DENND2B: variants seen among roughly 807,000 people sequenced by gnomAD.
The protein encoded by DENND2B is DENN domain containing 2B.
Under a neutral mutation model 116.0 loss-of-function variants are expected in DENND2B, and 32 were observed. That is an observed-to-expected ratio of 0.28 (90% CI 0.21 to 0.37). The LOEUF (loss-of-function observed/expected upper bound fraction) is 0.37. Among genes scored for constraint, DENND2B ranks in the 10% least tolerant of loss-of-function variants. DENND2B has a pLI of 1.00. For missense variants in DENND2B, 1,276 were observed against 1,477.7 expected (o/e 0.86, Z 2.24); for synonymous variants, 588 against 583.9 (o/e 1.01, Z -0.10).
chr11:8,725,985 G>C (rs1306805647), intron 4 of DENND2B, 88 bp downstream of exon 4: 5 of 1,585,626 alleles, frequency 3.2e-6, no homozygotes, highest in Non-Finnish European at 4.3e-6. Context: ...TGCCCACAGT[G>C]AAGGAGGTCA....
upstream of DENND2B, among the ~76,000 whole-genome samples, chr11:8,814,842 A>T (rs1404537502): frequency 1.3e-5 from 2 of 152,184 alleles, no homozygotes; most frequent in Admixed American, 1.3e-4. Context: ...TTCCTGTCCG[A>T]CAGGAAGAAG....
chr11:8,806,793 G>A (rs2060899899), intron 1 of DENND2B, among the ~76,000 whole-genome samples: 1 of 152,052 alleles, frequency 6.6e-6, no homozygotes, highest in African/African-American at 2.4e-5. Flanking sequence ...CTCCCCTCCA[G>A]GATGAAACAA....
intron 3 of DENND2B, among the ~76,000 whole-genome samples, chr11:8,729,515 T>TG (rs1384233594): frequency 6.6e-6 from 1 of 152,202 alleles, no homozygotes; most frequent in Non-Finnish European, 1.5e-5. Flanking sequence ...AATGATAAAA[T>TG]GCAGTATTCA....
intron 2 of DENND2B, among the ~76,000 whole-genome samples, chr11:8,749,782 T>C (rs1028118649): frequency 1.4e-4 from 22 of 152,152 alleles, no homozygotes; most frequent in African/African-American, 4.6e-4. Flanking sequence ...AAAGCCAAAT[T>C]TGTCCACCTG....
chr11:8,699,474 C>G (rs1310967412), intron 14 of DENND2B, 84 bp from the exon 15 acceptor site: 2 of 1,377,438 alleles, frequency 1.5e-6, no homozygotes, highest in South Asian at 1.4e-5. Context: ...AGCCTTTGAT[C>G]GTAAACCTCC....
chr11:8,714,126 A>C, intron 7 of DENND2B, 84 bp from the exon 8 acceptor site: 1 of 1,367,418 alleles, frequency 7.3e-7, no homozygotes, highest in East Asian at 2.3e-5. Flanking sequence ...CTTTTCTCAC[A>C]GGGGATGGAT....
intron 16 of DENND2B, 68 bp from the exon 17 acceptor site, chr11:8,697,704 G>T: frequency 9.8e-7 from 1 of 1,018,964 alleles, no homozygotes; most frequent in Non-Finnish European, 1.6e-6. Context: ...GCTAAGACCT[G>T]TTAGAAGAGC....
At chr11:8,872,500 A>G (rs1281836818), upstream of DENND2B, among the ~76,000 whole-genome samples, 1 of 151,860 alleles carries the variant, frequency 6.6e-6, no homozygotes, top group African/African-American at 2.4e-5. Flanking sequence ...AAAAAAAAAA[A>G]AAGAAAAAAA....
chr11:8,815,707 C>T (rs1594077838), intron 4 of DENND2B, among the ~76,000 whole-genome samples: 1 of 152,176 alleles, frequency 6.6e-6, no homozygotes, highest in South Asian at 2.1e-4. Context: ...TTTAAAGATG[C>T]CTTTACTATA....
At chr11:8,863,435 A>G (rs973620370) in intron 2 of DENND2B, among the ~76,000 whole-genome samples, 4 of 151,622 alleles carry the variant, frequency 2.6e-5, no homozygotes, top group Non-Finnish European at 5.9e-5. Flanking sequence ...GGGTTTCACC[A>G]TATTAGCCAG....
chr11:8,758,179 A>G (rs2053934363), intron 1 of DENND2B, among the ~76,000 whole-genome samples: 1 of 152,178 alleles, frequency 6.6e-6, no homozygotes, highest in Non-Finnish European at 1.5e-5. Context: ...GTCCCACAGC[A>G]TGTTCTCTAG....
intron 2 of DENND2B, among the ~76,000 whole-genome samples, chr11:8,859,248 TCTA>T (rs1031955491): frequency 2.0e-5 from 3 of 152,222 alleles, no homozygotes; most frequent in African/African-American, 4.8e-5. Context: ...GTATTGTATA[TCTA>T]CTACCAGGCT....
intron 4 of DENND2B, among the ~76,000 whole-genome samples, chr11:8,725,671 CTAT>C (rs1446974384): frequency 2.0e-5 from 3 of 152,088 alleles, no homozygotes; most frequent in Non-Finnish European, 4.4e-5. Flanking sequence ...AATATTATTA[CTAT>C]TATTGTTGTT....
At chr11:8,906,267 G>A (rs1345917266) in intron 1 of DENND2B, among the ~76,000 whole-genome samples, 2 of 139,030 alleles carry the variant, frequency 1.4e-5, no homozygotes, top group Non-Finnish European at 3.0e-5. Context: ...GTGCAGTGGC[G>A]CGACCTTGGC....
intron 2 of DENND2B, among the ~76,000 whole-genome samples, chr11:8,866,239 G>A (rs919695399): frequency 6.6e-6 from 1 of 152,308 alleles, no homozygotes; most frequent in East Asian, 1.9e-4. Context: ...GATTACAGGC[G>A]TGAGCCACCG....
chr11:8,808,478 ACAT>A lies in DENND2B; in HGVS notation c.-26+2036_-26+2038del, dbSNP rs1411347045. On this transcript the variant is annotated intron_variant, in intron 1 of 19. Coordinates refer to ENST00000313726, the MANE Select transcript of DENND2B (RefSeq NM_213618.2). ...CTATGAGGCTCCAGTTTTATGGCAAACATCACTCTTATGAAACGACCCAACCCA... is the reference window on the plus strand; with the variant it reads ...CTATGAGGCTCCAGTTTTATGGCAAACACTCTTATGAAACGACCCAACCCA... 11 of 152,348 alleles carry A rather than the reference ACAT, an allele frequency of 7.2e-5. No homozygotes were observed. In the East Asian group the frequency reaches 2.1e-3, roughly 29 times the overall value. 9.4% of individuals were successfully genotyped at this position (152,348 alleles called of 1,614,324 possible). A position where few individuals can be genotyped will look rare whatever the true frequency, so the allele number is the denominator to read the frequency against.
chr11:8,813,941 G>A (rs1037567002), upstream of DENND2B, among the ~76,000 whole-genome samples: 1 of 152,116 alleles, frequency 6.6e-6, no homozygotes, highest in Non-Finnish European at 1.5e-5. Context: ...CCTCTGCAAG[G>A]CTGGATTTAG....
intron 2 of DENND2B, among the ~76,000 whole-genome samples, chr11:8,877,764 T>C (rs929437636): frequency 2.6e-5 from 4 of 152,186 alleles, no homozygotes; most frequent in African/African-American, 7.2e-5. Flanking sequence ...AAATCCATAG[T>C]TCCCCCCCAA....
At chr11:8,781,312 G>T (rs987140720) in intron 1 of DENND2B, among the ~76,000 whole-genome samples, 5 of 152,122 alleles carry the variant, frequency 3.3e-5, no homozygotes, top group Non-Finnish European at 7.4e-5. Context: ...TTGCCAGCCC[G>T]GGCTTGGAAG....
Sources: gnomAD v4.1 joint callset for allele counts (sites outside exome capture counted in the v4.1 genomes callset) on GRCh38, gnomAD v4.1.1 for gene constraint, MANE v1.5 for transcripts, NCBI Gene and HGNC (gene_info 2026-07-23, HGNC 2026-07-21) for gene names.